CFAP299: variants seen among roughly 807,000 people sequenced by gnomAD.
CFAP299 encodes cilia and flagella associated protein 299.
CFAP299 carries 21 observed loss-of-function variants against 27.0 expected under a neutral mutation model. That is an observed-to-expected ratio of 0.78 (90% CI 0.55 to 1.12). The LOEUF is 1.12. CFAP299 is among the 50% of genes most tolerant of loss of function. The probability of loss-of-function intolerance (pLI) is 0.00; values close to 1 mark genes in which losing one functional copy is unlikely to be tolerated. For missense variants in CFAP299, 310 were observed against 276.6 expected, an observed-to-expected ratio of 1.12 and a Z score of -0.86; for synonymous variants, 104 against 98.1, an observed-to-expected ratio of 1.06 and a Z score of -0.36.
intron 1 of CFAP299, among the ~76,000 whole-genome samples, chr4:80,350,634 G>A (rs1722969379): frequency 6.6e-6 from 1 of 152,156 alleles, no homozygotes; most frequent in African/African-American, 2.4e-5. Flanking sequence ...TCCTTTGCAG[G>A]GACATGGATG....
chr4:80,753,666 CT>C (rs1297805478), intron 3 of CFAP299, among the ~76,000 whole-genome samples: 2 of 152,002 alleles, frequency 1.3e-5, no homozygotes, highest in Non-Finnish European at 2.9e-5. Flanking sequence ...GTTTTGGATG[CT>C]TTGTTGTTTA....
intron 1 of CFAP299, among the ~76,000 whole-genome samples, chr4:80,353,937 A>G (rs1415824083): frequency 6.6e-6 from 1 of 152,236 alleles, no homozygotes; most frequent in East Asian, 1.9e-4. Context: ...AACACCAGGC[A>G]CCAAAATATA....
At chr4:80,598,946 A>G (rs1737192251) in intron 3 of CFAP299, among the ~76,000 whole-genome samples, 1 of 152,182 alleles carries the variant, frequency 6.6e-6, no homozygotes, top group Non-Finnish European at 1.5e-5. Context: ...TCCAGTATAG[A>G]GTTACTTCAC....
chr4:80,409,273 A>T (rs1277024659), intron 2 of CFAP299, among the ~76,000 whole-genome samples: 1 of 152,102 alleles, frequency 6.6e-6, no homozygotes, highest in African/African-American at 2.4e-5. Context: ...AACCCTCAGA[A>T]ATGTATCGCT....
chr4:80,766,358 G>A (rs562616383), intron 3 of CFAP299, among the ~76,000 whole-genome samples: 19 of 152,258 alleles, frequency 1.2e-4, no homozygotes, highest in South Asian at 1.2e-3. Context: ...TACTTATACA[G>A]ACGAAAATAA....
chr4:80,570,345 C>T (rs978985447), intron 2 of CFAP299, among the ~76,000 whole-genome samples: 4 of 151,704 alleles, frequency 2.6e-5, no homozygotes, highest in East Asian at 1.9e-4. Flanking sequence ...ATACAAACTA[C>T]GTGTGAAATA....
At chr4:80,661,730 A>G (rs1342259434) in intron 3 of CFAP299, among the ~76,000 whole-genome samples, 1 of 152,212 alleles carries the variant, frequency 6.6e-6, no homozygotes, top group Non-Finnish European at 1.5e-5. Flanking sequence ...AACAAGGGAG[A>G]TAACCTTAAA....
At chr4:80,659,148 T>C (rs1458940339) in intron 3 of CFAP299, among the ~76,000 whole-genome samples, 2 of 152,092 alleles carry the variant, frequency 1.3e-5, no homozygotes, top group African/African-American at 4.8e-5. Flanking sequence ...AACTACCATA[T>C]GCTATATTAA....
chr4:80,643,971 GA>G (rs1331039660), intron 3 of CFAP299, among the ~76,000 whole-genome samples: 3 of 152,146 alleles, frequency 2.0e-5, no homozygotes, highest in Non-Finnish European at 2.9e-5. Flanking sequence ...TACATTATGT[GA>G]ATTCTAAGAT....
intron 2 of CFAP299, among the ~76,000 whole-genome samples, chr4:80,467,337 C>T (rs142921585): frequency 6.6e-6 from 1 of 152,268 alleles, no homozygotes; most frequent in Non-Finnish European, 1.5e-5. Flanking sequence ...AAGTCTATAC[C>T]TTGATGTACC....
intron 2 of CFAP299, among the ~76,000 whole-genome samples, chr4:80,370,220 G>A (rs1462582304): frequency 6.6e-6 from 1 of 152,084 alleles, no homozygotes; most frequent in African/African-American, 2.4e-5. Flanking sequence ...ATTGCAAGGA[G>A]AGTACCAGGG....
chr4:80,522,044 G>T (rs1161955219), intron 2 of CFAP299, among the ~76,000 whole-genome samples: 2 of 151,916 alleles, frequency 1.3e-5, no homozygotes, highest in Non-Finnish European at 2.9e-5. Flanking sequence ...CCTCCATACT[G>T]TTTTCCATAG....
chr4:80,431,106 G>T (rs1290219085), intron 2 of CFAP299, among the ~76,000 whole-genome samples: 1 of 152,134 alleles, frequency 6.6e-6, no homozygotes, highest in Non-Finnish European at 1.5e-5. Flanking sequence ...TTTCTTGGTT[G>T]CATTTACCCT....
chr4:80,781,642 A>G (rs1034513499), intron 3 of CFAP299, among the ~76,000 whole-genome samples: 5 of 152,066 alleles, frequency 3.3e-5, no homozygotes, highest in African/African-American at 4.8e-5. Flanking sequence ...AAGGTTGTGC[A>G]CTGATTTTCT....
rs145152951 is a variant in CFAP299 at position 80,851,821 on chromosome 4, T to C, written c.334-18172T>C. Among the ~76,000 whole-genome samples, 10 of 152,294 alleles carry C rather than the reference T, an allele frequency of 6.6e-5. No individual in the cohort carries two copies. In the East Asian group the frequency reaches 9.7e-4, roughly 15 times the overall value. On this transcript the variant is annotated intron_variant, in intron 3 of 5. Coordinates refer to ENST00000358105, the MANE Select transcript of CFAP299 (RefSeq NM_152770.3). Reference sequence around the variant, plus strand: ...GGAATGACATCACGGATCTTGGCTCTCTGGCACATTGTTATGTTGGTTACA... The same window carrying C: ...GGAATGACATCACGGATCTTGGCTCCCTGGCACATTGTTATGTTGGTTACA...
At chr4:80,613,828 T>C (rs1012669088) in intron 3 of CFAP299, among the ~76,000 whole-genome samples, 2 of 152,184 alleles carry the variant, frequency 1.3e-5, no homozygotes, top group Non-Finnish European at 1.5e-5. Flanking sequence ...CATTTGTACT[T>C]GCAAAGACTA....
chr4:80,781,147 T>C (rs1418834924), intron 3 of CFAP299, among the ~76,000 whole-genome samples: 1 of 152,028 alleles, frequency 6.6e-6, no homozygotes, highest in African/African-American at 2.4e-5. Context: ...TGTTGATGAA[T>C]AATTTTTAAA....
At chr4:80,892,249 C>A (rs1164506251) in intron 4 of CFAP299, among the ~76,000 whole-genome samples, 3 of 152,082 alleles carry the variant, frequency 2.0e-5, no homozygotes, top group Non-Finnish European at 4.4e-5. Context: ...CAAAAACATA[C>A]ACCAGGGAAA....
At chr4:80,912,866 A>T (rs1735549267) in intron 4 of CFAP299, among the ~76,000 whole-genome samples, 1 of 152,118 alleles carries the variant, frequency 6.6e-6, no homozygotes. Context: ...CTGAGTCTGG[A>T]GCTCCTAGAG....
Sources: gnomAD v4.1 joint callset for allele counts (sites outside exome capture counted in the v4.1 genomes callset) on GRCh38, gnomAD v4.1.1 for gene constraint, MANE v1.5 for transcripts, NCBI Gene and HGNC (gene_info 2026-07-23, HGNC 2026-07-21) for gene names.